Variants in DAPL1 observed in about 807,000 individuals in gnomAD.
DAPL1 encodes the protein death associated protein like 1, also known as death-associated protein-like 1.
In DAPL1, 17 loss-of-function variants were observed where a neutral mutation model predicts 12.9. That is an observed-to-expected ratio of 1.32 (90% confidence interval 0.90 to 1.98). The LOEUF (loss-of-function observed/expected upper bound fraction) is 1.98, where lower values mean the gene tolerates loss of function less well. Ranked by LOEUF, DAPL1 falls within the 30% of genes most tolerant of loss-of-function variation. DAPL1 has a pLI of 0.00. For missense variants in DAPL1, 157 were observed against 125.7 expected (o/e 1.25, Z -1.19); for synonymous variants, 51 against 42.0 (o/e 1.21, Z -0.82).
chr2:158,804,773 A>G (rs1165523494), intron 2 of DAPL1, among the ~76,000 whole-genome samples: 2 of 152,236 alleles, frequency 1.3e-5, no homozygotes, highest in Non-Finnish European at 2.9e-5. Context: ...AATGTCCTGA[A>G]TTAAAAATAA....
intron 1 of DAPL1, among the ~76,000 whole-genome samples, chr2:158,801,623 A>G (rs1486842814): frequency 1.3e-5 from 2 of 152,212 alleles, no homozygotes; most frequent in Non-Finnish European, 2.9e-5. Context: ...GTATAAAGAT[A>G]GCATTTTCTG....
chr2:158,814,676 C>T lies in DAPL1; in HGVS notation c.208-1029C>T, dbSNP rs183476152. ...AGAGATGTAAGGCACATATGTTTTC[C>T]CTGGCTTAGAAGAGCCCAAACAAAC... On this transcript the variant is annotated intron_variant, in intron 3 of 3. Coordinates refer to ENST00000309950, the MANE Select transcript of DAPL1 (RefSeq NM_001017920.3). 7.1e-3 allele frequency among the ~76,000 whole-genome samples: 1,078 copies of T among 152,278 alleles called. 5 individuals carry two copies. The highest frequency in any genetic ancestry group is 0.012 in the Non-Finnish European group (825 of 68,026).
chr2:158,800,524 T>A (rs924376269), intron 1 of DAPL1, among the ~76,000 whole-genome samples: 2 of 152,182 alleles, frequency 1.3e-5, no homozygotes, highest in Non-Finnish European at 1.5e-5. Flanking sequence ...TTATTCCCCA[T>A]TGAAGGACGT....
At chr2:158,801,839 G>C (rs1255711663) in intron 1 of DAPL1, among the ~76,000 whole-genome samples, 2 of 151,944 alleles carry the variant, frequency 1.3e-5, no homozygotes, top group African/African-American at 2.4e-5. Flanking sequence ...GCAGTAACTG[G>C]TACAATATAA....
intron 3 of DAPL1, among the ~76,000 whole-genome samples, chr2:158,813,616 C>T (rs1388125908): frequency 5.4e-5 from 8 of 148,518 alleles, no homozygotes; most frequent in Admixed American, 2.7e-4. Flanking sequence ...AGTGCAGTGA[C>T]CCGATCTCGG....
chr2:158,795,532 C>A, intron 1 of DAPL1, 102 bp downstream of exon 1: 1 of 1,107,078 alleles, frequency 9.0e-7, no homozygotes, highest in Non-Finnish European at 1.3e-6. Context: ...TCTCTGTCTA[C>A]CCAGTATGAC....
chr2:158,806,794 C>T (rs1319808072), intron 2 of DAPL1, among the ~76,000 whole-genome samples: 1 of 151,626 alleles, frequency 6.6e-6, no homozygotes, highest in Non-Finnish European at 1.5e-5. Context: ...CGAGATCATA[C>T]CATTGCACTC....
At chr2:158,806,960 TAAA>T in intron 2 of DAPL1, 92 bp from the exon 3 acceptor site, 1 of 913,082 alleles carries the variant, frequency 1.1e-6, no homozygotes, top group Non-Finnish European at 1.7e-6. Flanking sequence ...AGTGAAAGCA[TAAA>T]AGGCTGGAGA....
chr2:158,805,983 G>A (rs1020046616), intron 2 of DAPL1, among the ~76,000 whole-genome samples: 1 of 148,078 alleles, frequency 6.8e-6, no homozygotes, highest in African/African-American at 2.5e-5. Flanking sequence ...CAGGGCCTTG[G>A]GAGGAGCCAC....
intron 1 of DAPL1, among the ~76,000 whole-genome samples, chr2:158,795,873 A>C (rs2059131877): frequency 6.6e-6 from 1 of 152,132 alleles, no homozygotes; most frequent in Non-Finnish European, 1.5e-5. Context: ...GTGACTTCCT[A>C]CCCAGGCAAA....
Position 158,807,104 on chromosome 2 carries a change from G to T in DAPL1, c.196G>T (p.Ala66Ser), listed in dbSNP as rs12535. 7.5e-6 allele frequency: 12 copies of T among 1,609,360 alleles called. No individual in the cohort carries two copies. Among genetic ancestry groups the T allele is most frequent in the Non-Finnish European group, 9.3e-6 (11 of 1,176,974 alleles). ...KIQTLDALNDALEKLNYKFPA... is the reference protein window; with the variant it reads ...KIQTLDALNDSLEKLNYKFPA... ...ACAGACACTGGATGCCCTGAATGAC[G>T]CACTGGAGAAGGTGAGCCGTGGGCA... is the stretch of plus-strand genomic sequence containing the variant. The change falls in exon 3 of 4, where the codon GCA becomes TCA. Residue 66 changes from alanine (A) to serine (S), a missense_variant. Transcript: ENST00000309950.
At chr2:158,807,364 G>T (rs1217066195) in intron 3 of DAPL1, among the ~76,000 whole-genome samples, 1 of 152,204 alleles carries the variant, frequency 6.6e-6, no homozygotes, top group African/African-American at 2.4e-5. Context: ...GAATCATGAT[G>T]GTGAGTTTGC....
intron 3 of DAPL1, among the ~76,000 whole-genome samples, chr2:158,810,659 C>T (rs2059225629): frequency 1.3e-5 from 2 of 152,154 alleles, no homozygotes; most frequent in South Asian, 4.1e-4. Flanking sequence ...CCCACCTCTC[C>T]CCTCCACACA....
In DAPL1 at chr2:158,799,662, T is replaced by C. The variant is rs1487910048; in HGVS notation, c.58+4232T>C. Among the ~76,000 whole-genome samples, 3 of 152,116 alleles carry C rather than the reference T, an allele frequency of 2.0e-5. No homozygotes were observed. The East Asian group carries it at 5.8e-4, about 29-fold the overall frequency. On this transcript the variant is annotated intron_variant, in intron 1 of 3. Coordinates refer to ENST00000309950, the MANE Select transcript of DAPL1 (RefSeq NM_001017920.3). ...CTAGGGATATTATCTTCCGCTTCTT[T>C]CTACTGTACATAGATGACTGAGTAA...
At position 158,798,806 on chromosome 2, in the gene DAPL1, G is replaced by A. The variant is rs186438256; in HGVS notation, c.58+3376G>A. 5.9e-5 allele frequency among the ~76,000 whole-genome samples: 9 copies of A among 152,172 alleles called. No homozygotes were observed. The East Asian group carries it at 1.7e-3, about 29-fold the overall frequency. ...TAAATTAACTGTGAATGCAAAGTGA[G>A]CATTTTGCAAACATCTAAACTTTTC... On this transcript the variant is annotated intron_variant, in intron 1 of 3. Transcript: ENST00000309950.
intron 3 of DAPL1, chr2:158,807,796 T>A (rs2059210182): frequency 6.6e-6 from 1 of 152,242 alleles, no homozygotes. Context: ...TACAGGCATG[T>A]ACCACCACCC....
chr2:158,810,356 T>C (rs146818461), intron 3 of DAPL1, among the ~76,000 whole-genome samples: 1 of 152,314 alleles, frequency 6.6e-6, no homozygotes, highest in Non-Finnish European at 1.5e-5. Flanking sequence ...CCTCTGCATT[T>C]ATTAACATGC....
intron 3 of DAPL1, among the ~76,000 whole-genome samples, chr2:158,812,815 GAGAA>G (rs1222543674): frequency 2.1e-5 from 3 of 144,822 alleles, no homozygotes; most frequent in Non-Finnish European, 4.5e-5. Flanking sequence ...AAAAAGCAAA[GAGAA>G]AGAGAGAGAA....
chr2:158,808,412 A>G (rs2059213343), intron 3 of DAPL1, among the ~76,000 whole-genome samples: 2 of 152,252 alleles, frequency 1.3e-5, no homozygotes, highest in Admixed American at 6.5e-5. Context: ...GAGCTCACAT[A>G]CATGAAGGTC....
Sources: gnomAD v4.1 joint callset for allele counts (sites outside exome capture counted in the v4.1 genomes callset) on GRCh38, gnomAD v4.1.1 for gene constraint, MANE v1.5 for transcripts, NCBI Gene and HGNC (gene_info 2026-07-23, HGNC 2026-07-21) for gene names.